The following HSD17B2 variants were observed in gnomAD, a reference collection of about 807,000 sequenced individuals.
HSD17B2 encodes the protein hydroxysteroid 17-beta dehydrogenase 2, also known as 17-beta-hydroxysteroid dehydrogenase type 2.
HSD17B2 carries 32 observed loss-of-function variants against 26.9 expected under a neutral mutation model. That is an observed-to-expected ratio of 1.19 (90% CI 0.90 to 1.60). The LOEUF is 1.60. HSD17B2 is among the 40% of genes most tolerant of loss of function. HSD17B2 has a pLI of 0.00. For synonymous variants in HSD17B2, 246 were observed against 186.7 expected (o/e 1.32, Z -2.59); for missense variants, 613 against 468.6 (o/e 1.31, Z -2.85).
At chr16:82,078,719 T>C (rs1490545746) in intron 3 of HSD17B2, among the ~76,000 whole-genome samples, 1 of 152,188 alleles carries the variant, frequency 6.6e-6, no homozygotes, top group Non-Finnish European at 1.5e-5. Flanking sequence ...TCATCTGCAA[T>C]AACATGGATG....
chr16:82,080,516 T>C (rs753432494), intron 3 of HSD17B2, among the ~76,000 whole-genome samples: 6 of 152,152 alleles, frequency 3.9e-5, no homozygotes, highest in Non-Finnish European at 7.4e-5. Context: ...GAACTAGTTC[T>C]CCCCTAGAGC....
At chr16:82,072,455 C>G (rs913735918) in intron 3 of HSD17B2, among the ~76,000 whole-genome samples, 10 of 152,166 alleles carry the variant, frequency 6.6e-5, no homozygotes, top group South Asian at 2.1e-4. Context: ...CTGGAATAGT[C>G]TGGTACTTCT....
rs962813629 is a variant in HSD17B2, at chr16:82,068,164, A to G, written c.266-6A>G. ...CCTCACTCCCTACTCCCCTGACCCT[A>G]TGCAGGTGGTGATTGCGGGCTTGGC... On this transcript the variant is annotated splice_region_variant and splice_polypyrimidine_tract_variant and intron_variant, in intron 1 of 4. Coordinates refer to ENST00000199936, the MANE Select transcript of HSD17B2 (RefSeq NM_002153.3). The G allele has an allele frequency of 2.2e-5, 35 of 1,613,654 alleles. No homozygotes were observed. The highest frequency in any genetic ancestry group is 3.0e-5 in the Non-Finnish European group (35 of 1,179,656).
At chr16:82,041,168 T>A (rs1913755878) in intron 1 of HSD17B2, among the ~76,000 whole-genome samples, 1 of 152,206 alleles carries the variant, frequency 6.6e-6, no homozygotes, top group African/African-American at 2.4e-5. Flanking sequence ...GCAAGCGGCT[T>A]GAAGGCAGGA....
At chr16:82,080,609 A>G (rs867941774) in intron 3 of HSD17B2, among the ~76,000 whole-genome samples, 2 of 152,226 alleles carry the variant, frequency 1.3e-5, no homozygotes, top group African/African-American at 2.4e-5. Flanking sequence ...CTAGGTTTGT[A>G]GTAATTTGTT....
At chr16:82,077,803 A>G (rs1237896520) in intron 3 of HSD17B2, among the ~76,000 whole-genome samples, 1 of 152,004 alleles carries the variant, frequency 6.6e-6, no homozygotes, top group Non-Finnish European at 1.5e-5. Context: ...AAGAAAAGAA[A>G]AGAAAAGAAA....
intron 1 of HSD17B2, among the ~76,000 whole-genome samples, chr16:82,039,330 TGAGAGAGA>T (rs34511068): frequency 2.1e-5 from 3 of 143,514 alleles, no homozygotes; most frequent in Admixed American, 6.8e-5. Flanking sequence ...AGTTAGCAGA[TGAGAGAGA>T]GAGAGAGAGA....
chr16:82,037,934 A>T (rs1306888093), intron 1 of HSD17B2, among the ~76,000 whole-genome samples: 1 of 152,248 alleles, frequency 6.6e-6, no homozygotes, highest in African/African-American at 2.4e-5. Context: ...TGTAAATGAA[A>T]GGAAATAGTT....
intron 2 of HSD17B2, 23 bp from the exon 3 acceptor site, chr16:82,070,919 T>G: frequency 6.2e-7 from 1 of 1,602,132 alleles, no homozygotes; most frequent in Non-Finnish European, 8.5e-7. Flanking sequence ...AGACACTCAC[T>G]CATTATGGTT....
At chr16:82,077,079 C>T (rs770524504) in intron 3 of HSD17B2, among the ~76,000 whole-genome samples, 3 of 152,228 alleles carry the variant, frequency 2.0e-5, no homozygotes, top group Admixed American at 6.5e-5. Context: ...ATTGTTAAAA[C>T]GTCCATACTA....
chr16:82,093,634 G>C (rs1373761109), intron 4 of HSD17B2: 1 of 152,160 alleles, frequency 6.6e-6, no homozygotes, highest in African/African-American at 2.4e-5. Context: ...TTACCAAAAA[G>C]GGCTCCTGAT....
chr16:82,047,777 T>C (rs964504662), intron 1 of HSD17B2, among the ~76,000 whole-genome samples: 1 of 152,184 alleles, frequency 6.6e-6, no homozygotes, highest in Non-Finnish European at 1.5e-5. Flanking sequence ...CCCTTTCTGA[T>C]TCTTCTTTTG....
intron 3 of HSD17B2, among the ~76,000 whole-genome samples, chr16:82,074,285 T>C (rs1185505893): frequency 6.6e-6 from 1 of 152,170 alleles, no homozygotes; most frequent in Non-Finnish European, 1.5e-5. Flanking sequence ...ATGTATGAAG[T>C]TTTCGTTCAT....
At chr16:82,047,120 A>C (rs1311293576) in intron 1 of HSD17B2, among the ~76,000 whole-genome samples, 1 of 152,234 alleles carries the variant, frequency 6.6e-6, no homozygotes, top group African/African-American at 2.4e-5. Context: ...CTAAAGACTG[A>C]ACAGCCAGGA....
At chr16:82,084,811 T>C (rs761615313) in intron 3 of HSD17B2, among the ~76,000 whole-genome samples, 1 of 152,186 alleles carries the variant, frequency 6.6e-6, no homozygotes, top group African/African-American at 2.4e-5. Context: ...TAGCTCTCTA[T>C]AACCTTGAAC....
chr16:82,065,864 G>A (rs1015888229), intron 1 of HSD17B2, among the ~76,000 whole-genome samples: 1 of 152,158 alleles, frequency 6.6e-6, no homozygotes, highest in African/African-American at 2.4e-5. Context: ...TTCCTCATCT[G>A]TAAGATAGGA....
At chr16:82,078,733 C>A (rs539047007) in intron 3 of HSD17B2, among the ~76,000 whole-genome samples, 20 of 152,254 alleles carry the variant, frequency 1.3e-4, no homozygotes, top group African/African-American at 4.6e-4. Context: ...ATGGATGGAA[C>A]TGGAAGTCAT....
At chr16:82,044,591 T>C (rs1913862750) in intron 1 of HSD17B2, 1 of 152,230 alleles carries the variant, frequency 6.6e-6, no homozygotes, top group Non-Finnish European at 1.5e-5. Context: ...TCCTCCGAGT[T>C]GTCATTTGGT....
chr16:82,043,459 C>T (rs1447553518), intron 1 of HSD17B2, among the ~76,000 whole-genome samples: 1 of 124,060 alleles, frequency 8.1e-6, no homozygotes, highest in East Asian at 1.9e-4. Context: ...CCGAGGCGGG[C>T]GGATCACGAG....
Sources: gnomAD v4.1 joint callset for allele counts (sites outside exome capture counted in the v4.1 genomes callset) on GRCh38, gnomAD v4.1.1 for gene constraint, MANE v1.5 for transcripts, NCBI Gene and HGNC (gene_info 2026-07-23, HGNC 2026-07-21) for gene names.